The following DENND1B variants were observed in gnomAD, a reference collection of about 807,000 sequenced individuals.
The protein encoded by DENND1B is DENN domain-containing protein 1B.
DENND1B carries 59 observed loss-of-function variants against 90.1 expected under a neutral mutation model. That is an observed-to-expected ratio of 0.65 (90% CI 0.53 to 0.81). The LOEUF is 0.81. Among genes scored for constraint, DENND1B ranks in the 40% least tolerant of loss-of-function variants. The probability of loss-of-function intolerance (pLI) is 0.00; values close to 1 mark genes in which losing one functional copy is unlikely to be tolerated. For missense variants in DENND1B, 862 were observed against 912.6 expected (o/e 0.94, Z 0.71); for synonymous variants, 337 against 324.6 (o/e 1.04, Z -0.41).
At chr1:197,558,312 A>G (rs975814522) in intron 15 of DENND1B, among the ~76,000 whole-genome samples, 2 of 85,154 alleles carry the variant, frequency 2.3e-5, no homozygotes, top group African/African-American at 8.3e-5. Flanking sequence ...TGGATTCCAT[A>G]ATTTCATAAA....
intron 2 of DENND1B, among the ~76,000 whole-genome samples, chr1:197,759,580 T>C (rs1278960681): frequency 6.7e-6 from 1 of 149,384 alleles, no homozygotes; most frequent in South Asian, 2.1e-4. Context: ...CTACTAAAAA[T>C]ACAAAAAAAA....
chr1:197,508,203 C>T lies in DENND1B; in HGVS notation c.*2257G>A, dbSNP rs1044603504. ...TGAAAAAAACAAACAAAAAACCATA[C>T]CTCATTTCAAAATTCATATTAAAAT... is the stretch of plus-strand genomic sequence containing the variant. On this transcript the variant is annotated 3_prime_UTR_variant, in exon 23 of 23. Transcript: ENST00000620048. 1 of 151,544 alleles carries T rather than the reference C, an allele frequency of 6.6e-6. No homozygotes were observed. The highest frequency in any genetic ancestry group is 1.5e-5 in the Non-Finnish European group (1 of 67,722). 9.4% of individuals were successfully genotyped at this position (151,544 alleles called of 1,614,324 possible).
At chr1:197,612,754 G>A (rs1236179239) in intron 11 of DENND1B, among the ~76,000 whole-genome samples, 2 of 150,336 alleles carry the variant, frequency 1.3e-5, no homozygotes, top group South Asian at 2.1e-4. Flanking sequence ...TAGAAACTTG[G>A]GAACAATAAT....
intron 14 of DENND1B, among the ~76,000 whole-genome samples, chr1:197,594,861 T>C (rs1675548483): frequency 6.6e-6 from 1 of 152,128 alleles, no homozygotes; most frequent in South Asian, 2.1e-4. Flanking sequence ...TAAGCCCAAT[T>C]GTCTTGTGAA....
At chr1:197,550,391 T>C (rs1037483379) in intron 16 of DENND1B, among the ~76,000 whole-genome samples, 20 of 152,092 alleles carry the variant, frequency 1.3e-4, no homozygotes, top group African/African-American at 3.1e-4. Context: ...ATTATTGAGC[T>C]GAATACTCAA....
intron 2 of DENND1B, among the ~76,000 whole-genome samples, chr1:197,728,973 T>C (rs1747815): frequency 0.85 from 129,684 of 152,186 alleles, 55,657 homozygotes; most frequent in African/African-American, 0.95. Context: ...TCCCAGTGTC[T>C]TTTCACATAA....
chr1:197,672,520 C>A (rs943041362), intron 4 of DENND1B, among the ~76,000 whole-genome samples: 3 of 151,986 alleles, frequency 2.0e-5, no homozygotes, highest in African/African-American at 7.2e-5. Flanking sequence ...TTTTCTTCAA[C>A]TTTAGCCTCT....
intron 7 of DENND1B, among the ~76,000 whole-genome samples, chr1:197,648,630 G>A (rs1173843980): frequency 2.0e-5 from 3 of 151,790 alleles, no homozygotes; most frequent in Non-Finnish European, 4.4e-5. Context: ...ACCATTTTTT[G>A]GAAAATCCCA....
intron 16 of DENND1B, among the ~76,000 whole-genome samples, chr1:197,547,336 C>T (rs1670888811): frequency 6.6e-6 from 1 of 151,842 alleles, no homozygotes; most frequent in Non-Finnish European, 1.5e-5. Context: ...CTAAAACATA[C>T]TGTTCTCCTC....
At chr1:197,677,976 G>A (rs1325009500) in intron 3 of DENND1B, among the ~76,000 whole-genome samples, 1 of 152,184 alleles carries the variant, frequency 6.6e-6, no homozygotes, top group Non-Finnish European at 1.5e-5. Flanking sequence ...GCAGTGTTCA[G>A]TGAAGGAAGC....
chr1:197,780,948 G>A, the DENND1B span, among the ~76,000 whole-genome samples: 1 of 152,076 alleles, frequency 6.6e-6, no homozygotes, highest in East Asian at 1.9e-4. Flanking sequence ...CTGATTTCCA[G>A]TGTACTATGA....
chr1:197,551,403 T>C (rs570575532), intron 16 of DENND1B, among the ~76,000 whole-genome samples: 1 of 152,252 alleles, frequency 6.6e-6, no homozygotes, highest in Admixed American at 6.5e-5. Context: ...CAAAACCTTT[T>C]CATTTTAATA....
At chr1:197,694,076 ACTTC>A (rs1183268513) in intron 3 of DENND1B, among the ~76,000 whole-genome samples, 1 of 151,454 alleles carries the variant, frequency 6.6e-6, no homozygotes, top group East Asian at 1.9e-4. Flanking sequence ...ACCTGACAAT[ACTTC>A]CTTTAAATCG....
intron 8 of DENND1B, among the ~76,000 whole-genome samples, chr1:197,646,470 T>C (rs946998960): frequency 6.6e-6 from 1 of 151,924 alleles, no homozygotes; most frequent in Admixed American, 6.6e-5. Context: ...GTTCCCAAAT[T>C]TTACCACCCA....
At chr1:197,762,681 C>A (rs1303385537) in intron 2 of DENND1B, among the ~76,000 whole-genome samples, 1 of 152,018 alleles carries the variant, frequency 6.6e-6, no homozygotes, top group African/African-American at 2.4e-5. Flanking sequence ...TATTTTGTGT[C>A]TTTTGACCTA....
At chr1:197,671,526 C>T (rs897496657) in intron 5 of DENND1B, among the ~76,000 whole-genome samples, 11 of 152,078 alleles carry the variant, frequency 7.2e-5, no homozygotes, top group African/African-American at 1.7e-4. Flanking sequence ...AAAAGGAATT[C>T]GAAATATGAA....
At chr1:197,696,869 C>G (rs543460860) in intron 3 of DENND1B, among the ~76,000 whole-genome samples, 2 of 146,082 alleles carry the variant, frequency 1.4e-5, no homozygotes, top group East Asian at 4.0e-4. Flanking sequence ...AACATACATA[C>G]AGCCTAGGAG....
At chr1:197,704,594 G>T (rs534857697) in intron 3 of DENND1B, among the ~76,000 whole-genome samples, 40 of 152,186 alleles carry the variant, frequency 2.6e-4, no homozygotes, top group African/African-American at 9.4e-4. Flanking sequence ...CTCCTGAAAT[G>T]CCATGTCAGT....
intron 3 of DENND1B, among the ~76,000 whole-genome samples, chr1:197,680,847 A>C (rs1656609875): frequency 6.6e-6 from 1 of 152,154 alleles, no homozygotes; most frequent in South Asian, 2.1e-4. Flanking sequence ...AATGGGCAAA[A>C]ATTACTGTCT....
Sources: allele counts gnomAD v4.1 joint callset (sites outside exome capture counted in the v4.1 genomes callset), GRCh38; gene constraint gnomAD v4.1.1; transcripts MANE v1.5; gene names NCBI Gene and HGNC (gene_info 2026-07-23, HGNC 2026-07-21).